CRIPT: variants seen among roughly 807,000 people sequenced by gnomAD.
CRIPT encodes CXXC repeat containing interactor of PDZ3 domain.
A neutral mutation model predicts 16.6 loss-of-function variants in CRIPT; 20 were observed. That is an observed-to-expected ratio of 1.20 (90% CI 0.85 to 1.75). The LOEUF is 1.75. Ranked by LOEUF, CRIPT falls within the 40% of genes most tolerant of loss-of-function variation. CRIPT has a pLI of 0.00. For synonymous variants in CRIPT, 42 were observed against 37.0 expected, an observed-to-expected ratio of 1.14 and a Z score of -0.49; for missense variants, 133 against 115.3, an observed-to-expected ratio of 1.15 and a Z score of -0.70.
At chr2:46,624,094 T>C in intron 4 of CRIPT, 69 bp from the exon 5 acceptor site, 3 of 1,012,150 alleles carry the variant, frequency 3.0e-6, no homozygotes, top group Non-Finnish European at 4.2e-6. Context: ...TGTTTTAAGC[T>C]TCAGGATTGA....
rs916793839 is a variant in CRIPT at position 46,628,800 on chromosome 2, C to G, written c.*4573C>G. On this transcript the variant is annotated 3_prime_UTR_variant, in exon 5 of 5. Coordinates refer to ENST00000238892, the MANE Select transcript of CRIPT (RefSeq NM_014171.6). The stretch of plus-strand genomic sequence containing the variant: ...GGAAAACCCTAAAACAAAACATGAA[C>G]ATAAAATATTTTTAAAAGGAAGACA... 6.6e-6 allele frequency among the ~76,000 whole-genome samples: 1 copy of G among 151,810 alleles called. No homozygotes were observed. The highest frequency in any genetic ancestry group is 1.5e-5 in the Non-Finnish European group (1 of 67,950).
intron 4 of CRIPT, 70 bp from the exon 5 acceptor site, chr2:46,624,093 C>A: frequency 1.0e-6 from 1 of 982,086 alleles, no homozygotes. Context: ...ATGTTTTAAG[C>A]TTCAGGATTG....
intron 3 of CRIPT, among the ~76,000 whole-genome samples, chr2:46,620,685 G>GTT (rs950219980): frequency 5.4e-5 from 6 of 111,010 alleles, no homozygotes; most frequent in Non-Finnish European, 5.6e-5. Flanking sequence ...CAAGCTATAT[G>GTT]TTATATATAT....
chr2:46,620,785 G>C (rs1460546887), intron 3 of CRIPT, among the ~76,000 whole-genome samples: 1 of 150,308 alleles, frequency 6.7e-6, no homozygotes, highest in Non-Finnish European at 1.5e-5. Context: ...ACTTCTCTGA[G>C]CTCTAAACGT....
chr2:46,622,369 CAA>C (rs1239573643), intron 3 of CRIPT, among the ~76,000 whole-genome samples: 17 of 73,734 alleles, frequency 2.3e-4, no homozygotes, highest in East Asian at 4.9e-4. Context: ...GACTCCGTCT[CAA>C]AAAAAAAAAA....
At position 46,626,485 on chromosome 2, in the gene CRIPT, G is replaced by C. The variant is rs1358751623; in HGVS notation, c.*2258G>C. Among the ~76,000 whole-genome samples the C allele has an allele frequency of 6.6e-6, 1 of 152,172 alleles. No homozygotes were observed. The highest frequency in any genetic ancestry group is 2.1e-4 in the South Asian group (1 of 4,832). On this transcript the variant is annotated 3_prime_UTR_variant, in exon 5 of 5. Coordinates refer to ENST00000238892, the MANE Select transcript of CRIPT (RefSeq NM_014171.6). ...GATTGCTGGTTCAAATGGTAGTTCT[G>C]TTTTAACTTCTTTGAGAAATCTCCA...
rs1670962154 is a variant in CRIPT, at chr2:46,627,237, G to A, written c.*3010G>A. ...GTTTGTGAATATTCTCTCCCATTCT[G>A]TAGGTTGTCTGTTTACTGTATTGAT... On this transcript the variant is annotated 3_prime_UTR_variant, in exon 5 of 5. Coordinates refer to ENST00000238892, the MANE Select transcript of CRIPT (RefSeq NM_014171.6). Among the ~76,000 whole-genome samples, 1 of 152,128 alleles carries A rather than the reference G, an allele frequency of 6.6e-6. No individual in the cohort carries two copies.
chr2:46,623,487 A>G (rs1049043780), intron 3 of CRIPT, among the ~76,000 whole-genome samples: 2 of 152,234 alleles, frequency 1.3e-5, no homozygotes, highest in African/African-American at 4.8e-5. Flanking sequence ...TATTTATGTC[A>G]CACAAATAGA....
intron 3 of CRIPT, among the ~76,000 whole-genome samples, chr2:46,621,194 C>T (rs763876430): frequency 4.6e-5 from 7 of 152,206 alleles, no homozygotes; most frequent in Non-Finnish European, 1.0e-4. Context: ...TTCTTTTTCA[C>T]ATAGAATAAA....
chr2:46,621,033 C>T (rs1670791731), intron 3 of CRIPT, among the ~76,000 whole-genome samples: 2 of 152,106 alleles, frequency 1.3e-5, no homozygotes, highest in Non-Finnish European at 2.9e-5. Flanking sequence ...CATCTCACTG[C>T]TATTACCCTT....
Position 46,626,670 on chromosome 2 carries a change from G to A in CRIPT, c.*2443G>A, listed in dbSNP as rs1670945772. On this transcript the variant is annotated 3_prime_UTR_variant, in exon 5 of 5. Coordinates refer to ENST00000238892, the MANE Select transcript of CRIPT (RefSeq NM_014171.6). ...TTTGATAATAGCCATTCTGACTGGTGTGAGATTGTAACTCATTGTGGTTTT... is the reference window on the plus strand; with the variant it reads ...TTTGATAATAGCCATTCTGACTGGTATGAGATTGTAACTCATTGTGGTTTT... Among the ~76,000 whole-genome samples the A allele has an allele frequency of 6.6e-6, 1 of 152,114 alleles. No homozygotes were observed. Among genetic ancestry groups the A allele is most frequent in the African/African-American group, 2.4e-5 (1 of 41,422 alleles).
At chr2:46,622,396 GT>G (rs1670833706) in intron 3 of CRIPT, among the ~76,000 whole-genome samples, 1 of 151,706 alleles carries the variant, frequency 6.6e-6, no homozygotes, top group Non-Finnish European at 1.5e-5. Context: ...GATTTCCAAG[GT>G]TACAATGTGT....
Position 46,622,796 on chromosome 2 carries a change from G to A in CRIPT, c.138-968G>A, listed in dbSNP as rs949106256. 5.3e-4 allele frequency among the ~76,000 whole-genome samples: 80 copies of A among 151,964 alleles called. No homozygotes were observed. In the Middle Eastern group the frequency reaches 0.014, roughly 26 times the overall value. On this transcript the variant is annotated intron_variant, in intron 3 of 4. Coordinates refer to ENST00000238892, the MANE Select transcript of CRIPT (RefSeq NM_014171.6). The stretch of plus-strand genomic sequence containing the variant: ...CCATTGCACTCTAGCCTGGGCGATA[G>A]AGTGAGATTCAGTCTCAAAAAAAAA...
At chr2:46,623,628 A>G in intron 3 of CRIPT, 136 bp from the exon 4 acceptor site, 1 of 534,624 alleles carries the variant, frequency 1.9e-6, no homozygotes, top group Non-Finnish European at 3.4e-6. Flanking sequence ...CATCTGGAAT[A>G]GGCTAAACCC....
At chr2:46,624,042 T>TA (rs199927517) in intron 4 of CRIPT, 121 bp from the exon 5 acceptor site, 6,852 of 189,480 alleles carry the variant, frequency 0.036, 83 homozygotes, top group Non-Finnish European at 0.048. Context: ...TATATATATA[T>TA]TTTTTTTTTC....
rs569594290 is a variant in CRIPT, at chr2:46,625,789, C to T, written c.*1562C>T. On this transcript the variant is annotated 3_prime_UTR_variant, in exon 5 of 5. Transcript: ENST00000238892. ...ATCAGTTTGGGGTTTTTAATTATAA[C>T]ACAGGAAACTCATAACAGGACCTGG... 6.6e-6 allele frequency: 1 copy of T among 152,130 alleles called. No homozygotes were observed. Among genetic ancestry groups the T allele is most frequent in the Admixed American group, 6.5e-5 (1 of 15,278 alleles). The allele number at this position is 152,130 out of a possible 1,614,324, so 9.4% of individuals were successfully genotyped here. A position where few individuals can be genotyped will look rare whatever the true frequency, so the allele number is the denominator to read the frequency against.
intron 3 of CRIPT, among the ~76,000 whole-genome samples, chr2:46,620,730 ATAT>A (rs1453869617): frequency 6.8e-6 from 1 of 147,658 alleles, no homozygotes; most frequent in South Asian, 2.1e-4. Flanking sequence ...ATATATTATA[ATAT>A]TATTATATAT....
chr2:46,619,021 G>T (rs1670740259), intron 2 of CRIPT, among the ~76,000 whole-genome samples, 183 bp downstream of exon 2: 1 of 152,096 alleles, frequency 6.6e-6, no homozygotes, highest in Non-Finnish European at 1.5e-5. Context: ...TACTTGTACG[G>T]GTTCCTAATA....
At chr2:46,617,496 T>C (rs1670692102) in intron 1 of CRIPT, among the ~76,000 whole-genome samples, 198 bp downstream of exon 1, 1 of 152,090 alleles carries the variant, frequency 6.6e-6, no homozygotes, top group African/African-American at 2.4e-5. Flanking sequence ...CTCAGAATGG[T>C]CTCAGTTCTG....
Sources: allele counts gnomAD v4.1 joint callset (sites outside exome capture counted in the v4.1 genomes callset), GRCh38; gene constraint gnomAD v4.1.1; transcripts MANE v1.5; gene names NCBI Gene and HGNC (gene_info 2026-07-23, HGNC 2026-07-21).